The following SLC38A8 variants were observed in gnomAD, a reference collection of about 807,000 sequenced individuals.
SLC38A8 encodes the protein amino acid transporter SLC38A8.
A neutral mutation model predicts 46.0 loss-of-function variants in SLC38A8; 65 were observed. That is an observed-to-expected ratio of 1.41 (90% CI 1.16 to 1.74). The LOEUF (loss-of-function observed/expected upper bound fraction) is 1.74. Ranked by LOEUF, SLC38A8 falls within the 40% of genes most tolerant of loss-of-function variation. SLC38A8 has a pLI of 0.00. For missense variants in SLC38A8, 998 were observed against 567.9 expected, an observed-to-expected ratio of 1.76 and a Z score of -7.70; for synonymous variants, 447 against 243.7, an observed-to-expected ratio of 1.83 and a Z score of -7.77.
chr16:84,033,913 C>T (rs756061274), intron 3 of SLC38A8, among the ~76,000 whole-genome samples: 5 of 151,614 alleles, frequency 3.3e-5, no homozygotes, highest in Non-Finnish European at 5.9e-5. Context: ...TGCAGCAGAA[C>T]ACATGACCCC....
chr16:84,036,821 C>G lies in SLC38A8; in HGVS notation c.269G>C (p.Gly90Ala), dbSNP rs768657069. The G allele has an allele frequency of 6.2e-7, 1 of 1,613,958 alleles. No homozygotes were observed. Among genetic ancestry groups the G allele is most frequent in the African/African-American group, 1.3e-5 (1 of 74,938 alleles). Reference protein sequence around the residue: ...AAVSGQATYQGVVRGLCGPAI... With the variant: ...AAVSGQATYQAVVRGLCGPAI... ...AGGGCCACACAGCCCCCTGACCACA[C>G]CCTGGTAGGTGGCCTGGCCACTGAC... is the stretch of plus-strand genomic sequence containing the variant. The change falls in exon 3 of 11, where the codon GGT becomes GCT. Residue 90 changes from glycine (G) to alanine (A), a missense_variant. By Grantham distance (60) the Gly-to-Ala change is moderately conservative (BLOSUM62 0). Coordinates refer to ENST00000299709, the MANE Select transcript of SLC38A8 (RefSeq NM_001080442.3).
chr16:84,012,608 G>A (rs1053690298), intron 10 of SLC38A8, among the ~76,000 whole-genome samples: 50 of 152,308 alleles, frequency 3.3e-4, no homozygotes, highest in African/African-American at 1.2e-3. Flanking sequence ...TGGGAACAGC[G>A]ACCCACTGCT....
intron 10 of SLC38A8, among the ~76,000 whole-genome samples, chr16:84,011,068 G>T (rs1257286123): frequency 6.6e-6 from 1 of 152,196 alleles, no homozygotes; most frequent in Non-Finnish European, 1.5e-5. Context: ...AAGACCAGAA[G>T]GCCGGGTTGT....
intron 5 of SLC38A8, among the ~76,000 whole-genome samples, chr16:84,030,453 C>T (rs1597269663): frequency 6.6e-6 from 1 of 152,084 alleles, no homozygotes; most frequent in South Asian, 2.1e-4. Flanking sequence ...CCAACGTCAG[C>T]CACGTTTCTC....
chr16:84,017,749 G>C (rs7191340), intron 7 of SLC38A8, among the ~76,000 whole-genome samples: 1 of 152,110 alleles, frequency 6.6e-6, no homozygotes, highest in African/African-American at 2.4e-5. Flanking sequence ...GGACAAGAGC[G>C]CCATTCCCTT....
At chr16:84,021,576 G>C (rs577873316) in intron 7 of SLC38A8, among the ~76,000 whole-genome samples, 1 of 152,228 alleles carries the variant, frequency 6.6e-6, no homozygotes, top group African/African-American at 2.4e-5. Flanking sequence ...ATGTTCCCTA[G>C]TCTTGTCTCT....
Position 84,016,585 on chromosome 16 carries a change from G to C in SLC38A8, c.1096C>G (p.Pro366Ala), listed in dbSNP as rs765531005. ...ATGCTGACGATCTCGCTGAGGTCAG[G>C]CATAAACAGCGCCATGGCGAGCGTC... ...TVTLAMALFM[P>A]DLSEIVSIIG... is the part of the protein sequence containing the mutation. Residue 366 changes from proline to alanine, a missense_variant, in exon 9 of 11, where the codon CCT (proline) becomes GCT (alanine). By Grantham distance (27) the Pro-to-Ala change is conservative. Coordinates refer to ENST00000299709, the MANE Select transcript of SLC38A8 (RefSeq NM_001080442.3). 6.2e-7 allele frequency: 1 copy of C among 1,613,922 alleles called. No homozygotes were observed. The highest frequency in any genetic ancestry group is 1.3e-5 in the African/African-American group (1 of 74,950).
At chr16:84,037,165 C>A (rs1464787779) in intron 2 of SLC38A8, among the ~76,000 whole-genome samples, 1 of 152,246 alleles carries the variant, frequency 6.6e-6, no homozygotes. Context: ...TGACACCATC[C>A]TGCCCCAGTG....
intron 3 of SLC38A8, among the ~76,000 whole-genome samples, chr16:84,035,097 C>G (rs2085286536): frequency 6.6e-6 from 1 of 152,176 alleles, no homozygotes; most frequent in South Asian, 2.1e-4. Context: ...CAACCCAGAC[C>G]TGGGGTGGCC....
intron 10 of SLC38A8, among the ~76,000 whole-genome samples, chr16:84,010,683 G>C (rs1026381608): frequency 6.6e-6 from 1 of 152,180 alleles, no homozygotes; most frequent in Non-Finnish European, 1.5e-5. Flanking sequence ...GGCAGAGGTC[G>C]CAGTGAGCCA....
intron 3 of SLC38A8, among the ~76,000 whole-genome samples, chr16:84,036,414 T>A (rs530433398): frequency 2.0e-5 from 3 of 152,252 alleles, no homozygotes; most frequent in African/African-American, 4.8e-5. Flanking sequence ...AGGAGCTGCT[T>A]GCTGTTGGCT....
At chr16:84,021,651 T>C (rs576013607) in intron 7 of SLC38A8, among the ~76,000 whole-genome samples, 92 of 152,354 alleles carry the variant, frequency 6.0e-4, no homozygotes, top group African/African-American at 2.2e-3. Flanking sequence ...CCTGCACTCA[T>C]TGCCCAGCTC....
intron 9 of SLC38A8, among the ~76,000 whole-genome samples, chr16:84,013,910 G>C (rs759887737): frequency 3.3e-5 from 5 of 152,184 alleles, no homozygotes; most frequent in Non-Finnish European, 7.3e-5. Flanking sequence ...TAACAGCCCA[G>C]ACCAGGGAGT....
intron 6 of SLC38A8, among the ~76,000 whole-genome samples, chr16:84,026,144 G>T (rs2085161716): frequency 1.3e-5 from 2 of 152,266 alleles, no homozygotes; most frequent in Non-Finnish European, 2.9e-5. Context: ...TAAGGGAAAA[G>T]ACAGTTAGTA....
At chr16:84,033,133 A>C (rs1195923354) in intron 4 of SLC38A8, among the ~76,000 whole-genome samples, 195 bp downstream of exon 4, 1 of 152,224 alleles carries the variant, frequency 6.6e-6, no homozygotes, top group Non-Finnish European at 1.5e-5. Flanking sequence ...ACGTTGTTAC[A>C]GGTCATTTTC....
chr16:84,022,467 G>A (rs190161165), intron 7 of SLC38A8, among the ~76,000 whole-genome samples: 5 of 152,346 alleles, frequency 3.3e-5, no homozygotes, highest in East Asian at 3.9e-4. Flanking sequence ...CCTTTGAACA[G>A]CAGGCAGCAG....
Position 84,013,020 on chromosome 16 carries a change from G to C in SLC38A8, c.1195C>G (p.Pro399Ala), listed in dbSNP as rs764024391. 5.0e-5 allele frequency: 81 copies of C among 1,613,998 alleles called. No individual in the cohort carries two copies. Among genetic ancestry groups the C allele is most frequent in the Non-Finnish European group, 6.6e-5 (78 of 1,179,998 alleles). Residue 399 changes from proline to alanine, a missense_variant, in exon 10 of 11, where the codon CCT (proline) becomes GCT (alanine). By Grantham distance (27) the Pro-to-Ala change is conservative. Transcript: ENST00000299709. ...ACTTACTTGACTCTTGGTCCTATAG[G>C]CTCGACACCCATTGCACAGATGAGG... ...LCLICAMGVE[P>A]IGPRVKCCLE...
At chr16:84,016,182 AC>A (rs1209642831) in intron 9 of SLC38A8, among the ~76,000 whole-genome samples, 2 of 152,206 alleles carry the variant, frequency 1.3e-5, no homozygotes, top group African/African-American at 4.8e-5. Context: ...CTTATTCACT[AC>A]CACAAGAACA....
At chr16:84,031,172 T>C (rs898186081) in intron 5 of SLC38A8, among the ~76,000 whole-genome samples, 7 of 152,144 alleles carry the variant, frequency 4.6e-5, no homozygotes, top group Admixed American at 1.3e-4. Context: ...CCTGAATAGC[T>C]GGGATTACAG....
Sources: gnomAD v4.1 joint callset for allele counts (sites outside exome capture counted in the v4.1 genomes callset) on GRCh38, gnomAD v4.1.1 for gene constraint, MANE v1.5 for transcripts, NCBI Gene and HGNC (gene_info 2026-07-23, HGNC 2026-07-21) for gene names.